AUH: variants seen among roughly 807,000 people sequenced by gnomAD.
The protein encoded by AUH is methylglutaconyl-CoA hydratase, mitochondrial.
AUH carries 29 observed loss-of-function variants against 42.3 expected under a neutral mutation model. The ratio of observed to expected loss-of-function variants is 0.69; its 90% confidence interval spans 0.51 to 0.93. The LOEUF (loss-of-function observed/expected upper bound fraction) is 0.93. Ranked by LOEUF, AUH falls within the 40% of genes least tolerant of loss-of-function variation. AUH has a pLI of 0.00. For synonymous variants in AUH, 174 were observed against 166.4 expected, an observed-to-expected ratio of 1.05 and a Z score of -0.35; for missense variants, 452 against 438.1, an observed-to-expected ratio of 1.03 and a Z score of -0.28.
chr9:91,357,526 T>C lies in AUH; in HGVS notation c.263-1371A>G, dbSNP rs1020295816. The C allele has an allele frequency of 4.2e-6, 4 of 950,320 alleles. No homozygotes were observed. In the African/African-American group the frequency reaches 5.3e-5, roughly 13 times the overall value. 58.9% of individuals were successfully genotyped at this position (950,320 alleles called of 1,614,324 possible). A position where few individuals can be genotyped will look rare whatever the true frequency, so the allele number is the denominator to read the frequency against. On this transcript the variant is annotated intron_variant, in intron 1 of 9. Coordinates refer to ENST00000375731, the MANE Select transcript of AUH (RefSeq NM_001698.3). ...ATGGAACTAGAGTCTAGGAGGGAAA[T>C]ACAAACATTAATAATCATAGAAATC...
chr9:91,313,846 G>A (rs965495839), intron 4 of AUH, among the ~76,000 whole-genome samples: 2 of 138,146 alleles, frequency 1.4e-5, no homozygotes, highest in African/African-American at 5.5e-5. Flanking sequence ...TTTTGAGACC[G>A]AGTTTCACTC....
chr9:91,232,596 T>C (rs1223021962), intron 6 of AUH, among the ~76,000 whole-genome samples: 1 of 152,212 alleles, frequency 6.6e-6, no homozygotes, highest in Non-Finnish European at 1.5e-5. Flanking sequence ...TACATGACGC[T>C]ATGTCCAGAT....
chr9:91,298,868 A>G (rs1026773809), intron 4 of AUH, among the ~76,000 whole-genome samples: 2 of 152,320 alleles, frequency 1.3e-5, no homozygotes, highest in Non-Finnish European at 2.9e-5. Context: ...ATTTCTGACT[A>G]TGGGAATGTG....
chr9:91,264,441 T>G (rs1283331586), intron 6 of AUH, among the ~76,000 whole-genome samples: 1 of 152,206 alleles, frequency 6.6e-6, no homozygotes. Flanking sequence ...TCAAGAGTCT[T>G]TTGTACTCCT....
chr9:91,261,635 C>T (rs1191329335), intron 6 of AUH, among the ~76,000 whole-genome samples: 1 of 152,202 alleles, frequency 6.6e-6, no homozygotes, highest in Non-Finnish European at 1.5e-5. Flanking sequence ...TTGTATCTCA[C>T]ATATTAATCC....
intron 6 of AUH, among the ~76,000 whole-genome samples, chr9:91,257,459 T>A (rs1829466566): frequency 1.3e-5 from 2 of 151,736 alleles, no homozygotes; most frequent in Non-Finnish European, 2.9e-5. Context: ...TGATCCAGCC[T>A]CCTCCCACCC....
At chr9:91,256,066 A>G (rs1463744717) in intron 6 of AUH, among the ~76,000 whole-genome samples, 1 of 152,136 alleles carries the variant, frequency 6.6e-6, no homozygotes, top group Non-Finnish European at 1.5e-5. Context: ...GAAACAACAA[A>G]GATTGATCAT....
intron 5 of AUH, among the ~76,000 whole-genome samples, chr9:91,297,248 G>C (rs753373960): frequency 1.2e-4 from 18 of 152,182 alleles, no homozygotes; most frequent in African/African-American, 4.3e-4. Context: ...CAAAGTACCT[G>C]CTCTGAGGGT....
chr9:91,246,158 G>A (rs1371673509), intron 6 of AUH, among the ~76,000 whole-genome samples: 3 of 152,094 alleles, frequency 2.0e-5, no homozygotes, highest in Non-Finnish European at 4.4e-5. Context: ...AGACAAAGAG[G>A]AAAAGCAAAA....
chr9:91,354,173 A>AC (rs1832230058), intron 3 of AUH, among the ~76,000 whole-genome samples: 1 of 152,114 alleles, frequency 6.6e-6, no homozygotes, highest in Non-Finnish European at 1.5e-5. Flanking sequence ...CGTCTCAAAA[A>AC]AAAAAACAAG....
At chr9:91,221,733 A>G (rs1827148204) in intron 6 of AUH, among the ~76,000 whole-genome samples, 1 of 152,226 alleles carries the variant, frequency 6.6e-6, no homozygotes, top group South Asian at 2.1e-4. Context: ...AACAGTGGGT[A>G]TATTAGCATG....
In AUH at chr9:91,361,885, G is replaced by A. The variant is rs13302733; in HGVS notation, c.5C>T (p.Ala2Val). 1.8e-5 allele frequency: 26 copies of A among 1,463,878 alleles called. No homozygotes were observed. Among genetic ancestry groups the A allele is most frequent in the Admixed American group, 2.5e-5 (1 of 39,970 alleles). 90.7% of individuals were successfully genotyped at this position (1,463,878 alleles called of 1,614,324 possible). A position where few individuals can be genotyped will look rare whatever the true frequency, so the allele number is the denominator to read the frequency against. ...CCCAGGTGCCGCCGCCACCGCGGCC[G>A]CCATGTTGTCTGTTTACGGCGTGGA... is the stretch of plus-strand genomic sequence containing the variant. The part of the protein sequence containing the change: M[A>V]AAVAAAPGAL... Residue 2 changes from alanine (A) to valine (V), a missense_variant, in exon 1 of 10, where the codon GCG (alanine) becomes GTG (valine). Physicochemically the swap from Ala to Val is moderately conservative, Grantham distance 64. Coordinates refer to ENST00000375731, the MANE Select transcript of AUH (RefSeq NM_001698.3).
chr9:91,317,822 T>G (rs1377564296), intron 4 of AUH, among the ~76,000 whole-genome samples: 1 of 152,238 alleles, frequency 6.6e-6, no homozygotes, highest in Non-Finnish European at 1.5e-5. Flanking sequence ...CTGAGAACAT[T>G]TTCCATGAAT....
At chr9:91,358,978 C>G (rs1832647067) in intron 1 of AUH, among the ~76,000 whole-genome samples, 1 of 152,152 alleles carries the variant, frequency 6.6e-6, no homozygotes, top group African/African-American at 2.4e-5. Context: ...AATCACTTCT[C>G]AAGAACTCAA....
At chr9:91,232,996 A>G (rs1827974314) in intron 6 of AUH, among the ~76,000 whole-genome samples, 1 of 152,176 alleles carries the variant, frequency 6.6e-6, no homozygotes, top group African/African-American at 2.4e-5. Flanking sequence ...TTTAAAACTA[A>G]TTTCACAGAT....
At chr9:91,221,898 G>GT (rs1212700555) in intron 6 of AUH, among the ~76,000 whole-genome samples, 3 of 152,168 alleles carry the variant, frequency 2.0e-5, no homozygotes, top group African/African-American at 7.2e-5. Context: ...GCAAAAGCAG[G>GT]TAACACAGGT....
intron 6 of AUH, among the ~76,000 whole-genome samples, chr9:91,258,012 A>G (rs114910335): frequency 2.3e-4 from 35 of 152,334 alleles, no homozygotes; most frequent in African/African-American, 7.7e-4. Flanking sequence ...TTTTAATGCT[A>G]TTGTAAATTT....
At chr9:91,263,460 A>G (rs1412839511) in intron 6 of AUH, among the ~76,000 whole-genome samples, 1 of 152,254 alleles carries the variant, frequency 6.6e-6, no homozygotes, top group Non-Finnish European at 1.5e-5. Context: ...GTGTGAAGAA[A>G]AAGTTTTCAT....
chr9:91,255,392 T>C (rs537450235), intron 6 of AUH, among the ~76,000 whole-genome samples: 1 of 152,374 alleles, frequency 6.6e-6, no homozygotes, highest in Admixed American at 6.5e-5. Context: ...TCATGAAATA[T>C]AGTGACATCA....
Sources: allele counts gnomAD v4.1 joint callset (sites outside exome capture counted in the v4.1 genomes callset), GRCh38; gene constraint gnomAD v4.1.1; transcripts MANE v1.5; gene names NCBI Gene and HGNC (gene_info 2026-07-23, HGNC 2026-07-21).